ACAD11: variants seen among roughly 807,000 people sequenced by gnomAD.
ACAD11 encodes acyl-CoA dehydrogenase family member 11, also known as acyl-Coenzyme A dehydrogenase family, member 11.
ACAD11 carries 83 observed loss-of-function variants against 102.2 expected under a neutral mutation model. That is an observed-to-expected ratio of 0.81 (90% CI 0.68 to 0.97). ACAD11 has a LOEUF of 0.97. Ranked by LOEUF, ACAD11 falls within the 50% of genes least tolerant of loss-of-function variation. The pLI is 0.00. For missense variants in ACAD11, 901 were observed against 951.7 expected, an observed-to-expected ratio of 0.95 and a Z score of 0.70; for synonymous variants, 324 against 319.8, an observed-to-expected ratio of 1.01 and a Z score of -0.14.
At chr3:132,599,158 CA>C (rs968034661) in intron 13 of ACAD11, among the ~76,000 whole-genome samples, 1 of 151,598 alleles carries the variant, frequency 6.6e-6, no homozygotes. Flanking sequence ...ATCAAAAATA[CA>C]AAAAGTTATA....
At chr3:132,614,255 A>T (rs1424057500) in intron 11 of ACAD11, among the ~76,000 whole-genome samples, 1 of 152,208 alleles carries the variant, frequency 6.6e-6, no homozygotes. Context: ...TGCCCAAAGT[A>T]ATTTATAGAT....
chr3:132,607,825 A>G (rs1211156770), intron 11 of ACAD11, among the ~76,000 whole-genome samples: 1 of 152,190 alleles, frequency 6.6e-6, no homozygotes, highest in Non-Finnish European at 1.5e-5. Flanking sequence ...CATAATCGTC[A>G]GATTCACCAA....
At chr3:132,642,934 T>A in intron 2 of ACAD11, 132 bp from the exon 3 acceptor site, 1 of 824,516 alleles carries the variant, frequency 1.2e-6, no homozygotes, top group Non-Finnish European at 1.9e-6. Flanking sequence ...CTCCAGAGGA[T>A]AATAGTAATA....
At chr3:132,613,000 G>C (rs1939225311) in intron 11 of ACAD11, among the ~76,000 whole-genome samples, 1 of 152,064 alleles carries the variant, frequency 6.6e-6, no homozygotes, top group Non-Finnish European at 1.5e-5. Context: ...TGATAGACTG[G>C]ATTAAGAAAA....
intron 17 of ACAD11, among the ~76,000 whole-genome samples, chr3:132,568,944 G>A (rs1327602218): frequency 3.9e-5 from 6 of 151,978 alleles, no homozygotes; most frequent in Non-Finnish European, 7.4e-5. Flanking sequence ...ATAGGATTCG[G>A]CAGAGTTATT....
At chr3:132,645,391 G>A (rs1181928318) in intron 1 of ACAD11, among the ~76,000 whole-genome samples, 1 of 152,200 alleles carries the variant, frequency 6.6e-6, no homozygotes, top group Non-Finnish European at 1.5e-5. Flanking sequence ...GTTCTGAGAA[G>A]TGAGGTCCCA....
intron 17 of ACAD11, among the ~76,000 whole-genome samples, chr3:132,573,413 C>T (rs1018993431): frequency 1.3e-5 from 2 of 151,838 alleles, no homozygotes; most frequent in Non-Finnish European, 2.9e-5. Flanking sequence ...ATATTGATTT[C>T]ATGTTGAAAT....
At chr3:132,618,886 GAGTTATTTATTTTA>G in intron 10 of ACAD11, 114 bp from the exon 11 acceptor site, 1 of 1,077,128 alleles carries the variant, frequency 9.3e-7, no homozygotes, top group Non-Finnish European at 1.2e-6. Flanking sequence ...AACACTTATG[GAGTTATTTATTTTA>G]CTGTATTCTC....
rs191076092 is a variant in ACAD11 at position 132,599,416 on chromosome 3, A to G, written c.1621+3813T>C. The stretch of plus-strand genomic sequence containing the variant: ...CAGCTACTTGGGAGGCTGAGGCAGG[A>G]GAATCGCATGAACCCGGGAGGCGGA... On this transcript the variant is annotated intron_variant, in intron 13 of 19. Transcript: ENST00000264990. Among the ~76,000 whole-genome samples the G allele has an allele frequency of 8.7e-3, 1,323 of 152,138 alleles. 27 individuals carry two copies. The highest frequency in any genetic ancestry group is 0.031 in the African/African-American group (1,267 of 41,506).
At chr3:132,584,189 A>G (rs1457221539) in intron 13 of ACAD11, among the ~76,000 whole-genome samples, 3 of 152,164 alleles carry the variant, frequency 2.0e-5, no homozygotes, top group African/African-American at 7.2e-5. Flanking sequence ...ATTGTGTGGG[A>G]GTCTAAGTCT....
intron 13 of ACAD11, among the ~76,000 whole-genome samples, chr3:132,602,582 T>G (rs754149111): frequency 1.4e-4 from 21 of 152,190 alleles, no homozygotes; most frequent in Non-Finnish European, 5.9e-5. Context: ...TGTAAATTAT[T>G]ATAATCCATG....
At chr3:132,592,178 T>C (rs747210292) in intron 13 of ACAD11, among the ~76,000 whole-genome samples, 12 of 152,212 alleles carry the variant, frequency 7.9e-5, no homozygotes, top group Non-Finnish European at 1.6e-4. Context: ...AGAAAAACCC[T>C]TCCCAAAGAT....
chr3:132,600,235 C>T (rs1426354998), intron 13 of ACAD11: 1 of 227,788 alleles, frequency 4.4e-6, no homozygotes. Flanking sequence ...AATGTGGCTC[C>T]CATTAAAGCA....
intron 11 of ACAD11, among the ~76,000 whole-genome samples, chr3:132,608,733 C>T (rs76700032): frequency 2.6e-5 from 4 of 152,044 alleles, no homozygotes; most frequent in Admixed American, 1.3e-4. Context: ...GACAGGTCGA[C>T]GAGACAGAAA....
At chr3:132,576,041 A>T in intron 16 of ACAD11, 115 bp from the exon 17 acceptor site, 1 of 1,189,104 alleles carries the variant, frequency 8.4e-7, no homozygotes, top group East Asian at 2.5e-5. Context: ...ATGGCTTTCT[A>T]GTGAAAAAAA....
intron 11 of ACAD11, among the ~76,000 whole-genome samples, chr3:132,613,982 A>G (rs1169020057): frequency 1.3e-5 from 2 of 152,188 alleles, no homozygotes; most frequent in African/African-American, 2.4e-5. Context: ...AAGTCTCAGG[A>G]TACAAAATCA....
chr3:132,610,525 A>C (rs559893615), intron 11 of ACAD11, among the ~76,000 whole-genome samples: 4 of 152,190 alleles, frequency 2.6e-5, no homozygotes, highest in Non-Finnish European at 4.4e-5. Context: ...AAGCAATAAA[A>C]AATGACAAAG....
chr3:132,581,363 G>A (rs187163410), intron 13 of ACAD11, among the ~76,000 whole-genome samples: 8 of 151,954 alleles, frequency 5.3e-5, no homozygotes, highest in Non-Finnish European at 7.4e-5. Context: ...GAATATACTC[G>A]AGCAAAATAA....
chr3:132,585,277 A>T lies in ACAD11; in HGVS notation c.1622-5719T>A, dbSNP rs549302470. The stretch of plus-strand genomic sequence containing the variant: ...CCTATTTAATAAATGGTGCTGGGAA[A>T]ACTGGGTAGCCATATGTAGAAAGCT... On this transcript the variant is annotated intron_variant, in intron 13 of 19. Transcript: ENST00000264990. 1.1e-4 allele frequency among the ~76,000 whole-genome samples: 16 copies of T among 152,346 alleles called. No homozygotes were observed. The East Asian group carries it at 1.7e-3, about 17-fold the overall frequency.
Sources: gnomAD v4.1 joint callset for allele counts (sites outside exome capture counted in the v4.1 genomes callset) on GRCh38, gnomAD v4.1.1 for gene constraint, MANE v1.5 for transcripts, NCBI Gene and HGNC (gene_info 2026-07-23, HGNC 2026-07-21) for gene names.